USP43: variants seen among roughly 807,000 people sequenced by gnomAD.
USP43 encodes ubiquitin carboxyl-terminal hydrolase 43.
A neutral mutation model predicts 90.7 loss-of-function variants in USP43; 33 were observed. That is an observed-to-expected ratio of 0.36 (90% CI 0.28 to 0.49). The LOEUF (loss-of-function observed/expected upper bound fraction) is 0.49. USP43 is among the 20% of genes least tolerant of loss of function. The pLI, the probability that USP43 is intolerant of heterozygous loss-of-function variation, is 0.98. For missense variants in USP43, 1,274 were observed against 1,476.4 expected, an observed-to-expected ratio of 0.86 and a Z score of 2.25; for synonymous variants, 598 against 615.8, an observed-to-expected ratio of 0.97 and a Z score of 0.43.
intron 14 of USP43, among the ~76,000 whole-genome samples, chr17:9,722,273 G>A (rs1597897948): frequency 6.6e-6 from 1 of 151,504 alleles, no homozygotes; most frequent in South Asian, 2.1e-4. Flanking sequence ...TCTCTCTTTC[G>A]CATTTGCCTG....
In USP43 at chr17:9,701,149, G is replaced by T; in HGVS notation, c.1566G>T (p.Ala522=). Reference sequence around the variant, plus strand: ...TCGGGAGCCTCCAGGAGGAGCGAGCGCAGGATGCCGACAGTGTGTGGCAGC... The same window carrying T: ...TCGGGAGCCTCCAGGAGGAGCGAGCTCAGGATGCCGACAGTGTGTGGCAGC... The part of the protein sequence containing the change: ...RLFGSLQEER[A]QDADSVWQQQ... The change falls in exon 11 of 15, where the codon GCG becomes GCT. Residue 522 remains alanine, a synonymous_variant. Coordinates refer to ENST00000285199, the MANE Select transcript of USP43 (RefSeq NM_153210.5). This position sits in a 1 kb window ranked among gnomAD's most constrained non-coding sequence, Gnocchi z 7.2. 4.0e-6 allele frequency: 6 copies of T among 1,500,764 alleles called. No individual in the cohort carries two copies. The highest frequency in any genetic ancestry group is 5.3e-6 in the Non-Finnish European group (6 of 1,121,692). The allele number at this position is 1,500,764 out of a possible 1,614,324, so 93.0% of individuals were successfully genotyped here.
At position 9,645,775 on chromosome 17, in the gene USP43, C is replaced by A; in HGVS notation, c.143C>A (p.Pro48His). ...RSRPGDSPPR[P>H]QPGHCDGDGE... is the part of the protein sequence containing the mutation. ...CGCCCCGGGGACTCACCGCCCCGGCCCCAGCCGGGACACTGTGATGGCGAC... is the reference window on the plus strand; with the variant it reads ...CGCCCCGGGGACTCACCGCCCCGGCACCAGCCGGGACACTGTGATGGCGAC... The change falls in exon 1 of 15, where the codon CCC (proline) becomes CAC (histidine). Residue 48 changes from proline to histidine, a missense_variant. Physicochemically the swap from Pro to His is moderately conservative, Grantham distance 77 (BLOSUM62 -2). This residue lies in a region of USP43 where 112 missense variants were observed against 106.6 expected (regional missense o/e 1.05). Coordinates refer to ENST00000285199, the MANE Select transcript of USP43 (RefSeq NM_153210.5). The surrounding 1 kb of genome is among the most constrained non-coding windows in gnomAD (Gnocchi z 6.8). The A allele has an allele frequency of 7.2e-7, 1 of 1,394,636 alleles. No individual in the cohort carries two copies. Among genetic ancestry groups the A allele is most frequent in the South Asian group, 1.6e-5 (1 of 61,062 alleles). 86.4% of individuals were successfully genotyped at this position (1,394,636 alleles called of 1,614,324 possible).
rs148532206 is a variant in USP43, at chr17:9,695,568, C to T, written c.1457+2338C>T. 6.1e-3 allele frequency among the ~76,000 whole-genome samples: 925 copies of T among 152,090 alleles called. 11 individuals are homozygous for T. The highest frequency in any genetic ancestry group is 0.02 in the African/African-American group (833 of 41,468). On this transcript the variant is annotated intron_variant, in intron 9 of 14. Coordinates refer to ENST00000285199, the MANE Select transcript of USP43 (RefSeq NM_153210.5). The stretch of plus-strand genomic sequence containing the variant: ...CAGGATGGGCTTGATCTCCTGAGCT[C>T]GTGATCCACCCACCTCAGCCTCCCA...
chr17:9,646,094 C>G lies in USP43; in HGVS notation c.462C>G (p.Leu154=). The G allele has an allele frequency of 6.7e-7, 1 of 1,503,400 alleles. No homozygotes were observed. 93.1% of individuals were successfully genotyped at this position (1,503,400 alleles called of 1,614,324 possible). A position where few individuals can be genotyped will look rare whatever the true frequency, so the allele number is the denominator to read the frequency against. Residue 154 remains leucine, a synonymous_variant, in exon 1 of 15, where the codon CTC becomes CTG. Transcript: ENST00000285199. ...TEQLAALVRA[L]WTREYTPQLS... The stretch of plus-strand genomic sequence containing the variant: ...AGCTGGCGGCGCTGGTGCGCGCGCT[C>G]TGGACTCGCGAATACACGCCCCAAC...
intron 1 of USP43, 53 bp from the exon 2 acceptor site, chr17:9,656,350 T>C: frequency 5.7e-6 from 9 of 1,584,298 alleles, no homozygotes; most frequent in Non-Finnish European, 7.7e-6. Context: ...AGAGCCTTCA[T>C]TTGGTTGTAT....
At chr17:9,676,603 C>T (rs531105872) in intron 4 of USP43, 143 bp from the exon 5 acceptor site, 243 of 995,484 alleles carry the variant, frequency 2.4e-4, no homozygotes, top group Middle Eastern at 1.5e-3. Flanking sequence ...AACTCTTGAC[C>T]GCAGGTGATC....
chr17:9,702,665 A>T (rs1915642046), intron 12 of USP43, among the ~76,000 whole-genome samples: 1 of 151,950 alleles, frequency 6.6e-6, no homozygotes, highest in Admixed American at 6.6e-5. Context: ...CGATTATGTC[A>T]TTGTTTGCTT....
chr17:9,701,251 G>T lies in USP43; in HGVS notation c.1662+6G>T, dbSNP rs769117670. 6.2e-7 allele frequency: 1 copy of T among 1,606,398 alleles called. No individual in the cohort carries two copies. The highest frequency in any genetic ancestry group is 8.5e-7 in the Non-Finnish European group (1 of 1,176,064). ...TCTACACCAAGGAGGAGCAGGTCCCGCCCTGGGGGTCCATGCCCCGGCCGG... is the reference window on the plus strand; with the variant it reads ...TCTACACCAAGGAGGAGCAGGTCCCTCCCTGGGGGTCCATGCCCCGGCCGG... On this transcript the variant is annotated splice_donor_region_variant and intron_variant, in intron 11 of 14. Transcript: ENST00000285199. The surrounding 1 kb of genome is among the most constrained non-coding windows in gnomAD (Gnocchi z 7.2).
At chr17:9,651,002 C>T (rs895350547) in intron 1 of USP43, among the ~76,000 whole-genome samples, 1 of 152,118 alleles carries the variant, frequency 6.6e-6, no homozygotes, top group Non-Finnish European at 1.5e-5. Flanking sequence ...CCCCTCGAGT[C>T]ACCAAAGTTC....
rs1913653441 is a variant in USP43 at position 9,674,752 on chromosome 17, C to T, written c.741-139C>T. The T allele has an allele frequency of 4.1e-6, 3 of 731,894 alleles. No homozygotes were observed. Among genetic ancestry groups the T allele is most frequent in the Non-Finnish European group, 7.3e-6 (3 of 413,184 alleles). The allele number at this position is 731,894 out of a possible 1,614,324, so 45.3% of individuals were successfully genotyped here. A position where few individuals can be genotyped will look rare whatever the true frequency, so the allele number is the denominator to read the frequency against. ...ACACTTGTGTACAAGTATTTGAACA[C>T]CTGTTCTCAATTCTTCTGGGTATGT... On this transcript the variant is annotated intron_variant, in intron 3 of 14. Coordinates refer to ENST00000285199, the MANE Select transcript of USP43 (RefSeq NM_153210.5). The surrounding 1 kb of genome is among the most constrained non-coding windows in gnomAD (Gnocchi z 4.4).
At chr17:9,707,696 A>AT (rs1022959246) in intron 12 of USP43, among the ~76,000 whole-genome samples, 21 of 149,584 alleles carry the variant, frequency 1.4e-4, no homozygotes, top group South Asian at 1.0e-3. Context: ...TTTATTAAAC[A>AT]TTTTTTTTTA....
chr17:9,711,502 C>A (rs776197598), intron 13 of USP43, among the ~76,000 whole-genome samples: 9 of 152,190 alleles, frequency 5.9e-5, no homozygotes, highest in Non-Finnish European at 1.2e-4. Context: ...GATTTCGGCT[C>A]ACTGCAACCT....
chr17:9,652,579 G>C (rs1251849730), intron 1 of USP43, among the ~76,000 whole-genome samples: 2 of 151,942 alleles, frequency 1.3e-5, no homozygotes, highest in African/African-American at 4.8e-5. Flanking sequence ...GCCAGGATGG[G>C]TTCAATCTCC....
chr17:9,667,849 A>ATG (rs1238910124), intron 3 of USP43, among the ~76,000 whole-genome samples: 3 of 152,020 alleles, frequency 2.0e-5, no homozygotes, highest in South Asian at 2.1e-4. Flanking sequence ...ATGCGTTTAT[A>ATG]TGTGTGTGTG....
At chr17:9,659,245 G>A (rs1431446163) in intron 2 of USP43, among the ~76,000 whole-genome samples, 1 of 152,206 alleles carries the variant, frequency 6.6e-6, no homozygotes, top group South Asian at 2.1e-4. Flanking sequence ...TGCCAGGGGT[G>A]TAACTTGATG....
chr17:9,664,558 A>G (rs1912878181), intron 2 of USP43, among the ~76,000 whole-genome samples: 1 of 152,148 alleles, frequency 6.6e-6, no homozygotes, highest in African/African-American at 2.4e-5. Context: ...TTGTCTAAAA[A>G]GACTCCATGG....
At chr17:9,681,315 T>G (rs1286937613) in intron 6 of USP43, among the ~76,000 whole-genome samples, 2 of 110,782 alleles carry the variant, frequency 1.8e-5, no homozygotes, top group Non-Finnish European at 3.4e-5. Flanking sequence ...GATAAATATA[T>G]ATAAATATAT....
At chr17:9,718,138 G>T (rs1364623170) in intron 14 of USP43, among the ~76,000 whole-genome samples, 1 of 138,608 alleles carries the variant, frequency 7.2e-6, no homozygotes, top group Non-Finnish European at 1.5e-5. Flanking sequence ...GAAGTGTTTG[G>T]GTCTTTTTAG....
intron 12 of USP43, among the ~76,000 whole-genome samples, chr17:9,705,817 CT>C (rs542441981): frequency 6.6e-6 from 1 of 151,664 alleles, no homozygotes; most frequent in African/African-American, 2.4e-5. Flanking sequence ...ACAAATATTG[CT>C]GTGATAACCC....
Sources: allele counts gnomAD v4.1 joint callset (sites outside exome capture counted in the v4.1 genomes callset), GRCh38; gene constraint gnomAD v4.1.1; regional missense constraint gnomAD v4.1.1; non-coding constraint Gnocchi (gnomAD v3.1); transcripts MANE v1.5; gene names NCBI Gene and HGNC (gene_info 2026-07-23, HGNC 2026-07-21).